Variants in AUTS2 observed in about 807,000 individuals in gnomAD.
AUTS2 encodes activator of transcription and developmental regulator AUTS2.
A neutral mutation model predicts 112.4 loss-of-function variants in AUTS2; 17 were observed. That is an observed-to-expected ratio of 0.15 (90% CI 0.10 to 0.23). AUTS2 has a LOEUF of 0.23. Among genes scored for constraint, AUTS2 ranks in the 10% least tolerant of loss-of-function variants. The pLI is 1.00. For synonymous variants in AUTS2, 751 were observed against 702.7 expected (o/e 1.07, Z -1.09); for missense variants, 1,510 against 1,701.6 (o/e 0.89, Z 1.98).
chr7:70,763,007 G>A lies in AUTS2; in HGVS notation c.880G>A (p.Val294Met). The change falls in exon 7 of 19, where the codon GTG becomes ATG. Residue 294 changes from valine to methionine, a missense_variant. This residue lies in a region of AUTS2 where 535 missense variants were observed against 594.3 expected (regional missense o/e 0.90). Transcript: ENST00000342771. ...CAAAGAGCCAATCTTTGAGCCTGTG[G>A]TGCTTAAAGACCCCTGCCCTCAGGT... Reference protein sequence around the residue: ...CCKEPIFEPVVLKDPCPQVAQ... With the variant: ...CCKEPIFEPVMLKDPCPQVAQ... 1 of 1,614,096 alleles carries A rather than the reference G, an allele frequency of 6.2e-7. No homozygotes were observed. Among genetic ancestry groups the A allele is most frequent in the Non-Finnish European group, 8.5e-7 (1 of 1,180,014 alleles).
intron 2 of AUTS2, among the ~76,000 whole-genome samples, chr7:70,066,736 C>T (rs903801793): frequency 6.6e-6 from 1 of 152,078 alleles, no homozygotes; most frequent in Non-Finnish European, 1.5e-5. Flanking sequence ...GACAGGGTTT[C>T]ACTATGTTGG....
intron 1 of AUTS2, among the ~76,000 whole-genome samples, chr7:69,732,506 A>G (rs1326488046): frequency 6.6e-6 from 1 of 152,078 alleles, no homozygotes; most frequent in Non-Finnish European, 1.5e-5. Flanking sequence ...ATTGTTTCCC[A>G]TGGAATTTCT....
At chr7:69,971,266 C>T (rs1229216421) in intron 2 of AUTS2, among the ~76,000 whole-genome samples, 3 of 152,148 alleles carry the variant, frequency 2.0e-5, no homozygotes. Context: ...AATTCTGCTT[C>T]TGCCATTTAC....
intron 2 of AUTS2, among the ~76,000 whole-genome samples, chr7:70,020,903 T>G (rs1201148776): frequency 2.0e-5 from 3 of 152,158 alleles, no homozygotes; most frequent in Non-Finnish European, 2.9e-5. Context: ...ACTCCTGAGC[T>G]CAAGTGATTC....
At position 70,397,067 on chromosome 7, in the gene AUTS2, ATT is replaced by A. The variant is rs35330696; in HGVS notation, c.661-38673_661-38672del. 4.3e-3 allele frequency among the ~76,000 whole-genome samples: 613 copies of A among 143,586 alleles called. 4 individuals are homozygous for A. The highest frequency in any genetic ancestry group is 8.2e-3 in the Admixed American group (118 of 14,426). The allele number at this position is 143,586 out of a possible 152,430, so 94.2% of individuals were successfully genotyped here. A position where few individuals can be genotyped will look rare whatever the true frequency, so the allele number is the denominator to read the frequency against. On this transcript the variant is annotated intron_variant, in intron 4 of 18. Transcript: ENST00000342771. The stretch of plus-strand genomic sequence containing the variant: ...TTTTCATTTTAGCCATTCTTTTATT[ATT>A]TTTTTTTTTTTGAGATGGAATTTTG...
chr7:69,828,463 G>A (rs940439338), intron 1 of AUTS2, among the ~76,000 whole-genome samples: 7 of 152,152 alleles, frequency 4.6e-5, no homozygotes, highest in Non-Finnish European at 1.0e-4. Context: ...TGATGATATT[G>A]TGGAGCTGTT....
chr7:70,646,049 T>G (rs1806142676), intron 5 of AUTS2, among the ~76,000 whole-genome samples: 1 of 152,160 alleles, frequency 6.6e-6, no homozygotes. Flanking sequence ...AAATGCAGGC[T>G]TTGGTTCTCT....
intron 4 of AUTS2, among the ~76,000 whole-genome samples, chr7:70,324,220 C>G (rs1790383366): frequency 6.6e-6 from 1 of 152,160 alleles, no homozygotes; most frequent in South Asian, 2.1e-4. Context: ...TAAATGGAAT[C>G]AAGTGGTAGA....
At chr7:70,402,320 T>C (rs1164782359) in intron 4 of AUTS2, among the ~76,000 whole-genome samples, 2 of 152,218 alleles carry the variant, frequency 1.3e-5, no homozygotes, top group Admixed American at 1.3e-4. Context: ...GGTTGCCCAC[T>C]CCTGACATTG....
intron 1 of AUTS2, among the ~76,000 whole-genome samples, chr7:69,841,500 G>C (rs28671727): frequency 6.6e-6 from 1 of 152,256 alleles, no homozygotes; most frequent in African/African-American, 2.4e-5. Context: ...CATCAGGTTT[G>C]GGCAGGGACA....
rs180937477 is a variant in AUTS2, at chr7:69,989,524, G to A, written c.522+90026G>A. Among the ~76,000 whole-genome samples the A allele has an allele frequency of 7.4e-3, 957 of 130,164 alleles. 8 individuals carry two copies. Among genetic ancestry groups the A allele is most frequent in the Non-Finnish European group, 9.8e-3 (604 of 61,354 alleles). The allele number at this position is 130,164 out of a possible 152,430, so 85.4% of individuals were successfully genotyped here. A position where few individuals can be genotyped will look rare whatever the true frequency, so the allele number is the denominator to read the frequency against. On this transcript the variant is annotated intron_variant, in intron 2 of 18. Transcript: ENST00000342771. Reference sequence around the variant, plus strand: ...AATAAATATTTGGTGTGTGGGATGAGAGGGAAGGAGAGAGGAGGAATGTTG... The same window carrying A: ...AATAAATATTTGGTGTGTGGGATGAAAGGGAAGGAGAGAGGAGGAATGTTG...
intron 5 of AUTS2, among the ~76,000 whole-genome samples, chr7:70,512,272 T>C (rs979361867): frequency 2.0e-5 from 3 of 152,200 alleles, no homozygotes; most frequent in African/African-American, 4.8e-5. Flanking sequence ...ATAGAGGCCT[T>C]TGCGGGGCTT....
chr7:69,826,131 A>G (rs1317563787), intron 1 of AUTS2, among the ~76,000 whole-genome samples: 1 of 152,196 alleles, frequency 6.6e-6, no homozygotes, highest in East Asian at 1.9e-4. Flanking sequence ...CTATGAACAC[A>G]GGGGAGAATG....
chr7:69,617,867 C>G (rs1022175025), intron 1 of AUTS2, among the ~76,000 whole-genome samples: 8 of 152,114 alleles, frequency 5.3e-5, no homozygotes, highest in African/African-American at 1.9e-4. Context: ...TTCCAGTGCC[C>G]AGTCATCACA....
intron 1 of AUTS2, among the ~76,000 whole-genome samples, chr7:69,815,315 T>C (rs1044663078): frequency 3.3e-5 from 5 of 152,310 alleles, no homozygotes; most frequent in African/African-American, 1.2e-4. Context: ...TAAGGAGATA[T>C]AGATATCTAT....
chr7:70,059,571 A>G (rs1017869899), intron 2 of AUTS2, among the ~76,000 whole-genome samples: 2 of 152,168 alleles, frequency 1.3e-5, no homozygotes, highest in Admixed American at 1.3e-4. Context: ...AGAATCGAGG[A>G]TCTGGAAATT....
At chr7:70,452,723 TAGAA>T (rs934288816) in intron 5 of AUTS2, among the ~76,000 whole-genome samples, 5 of 152,138 alleles carry the variant, frequency 3.3e-5, no homozygotes, top group African/African-American at 1.2e-4. Flanking sequence ...GTCTGAAATT[TAGAA>T]AGAAGTTCCC....
chr7:70,102,001 A>G (rs1407301030), intron 2 of AUTS2, among the ~76,000 whole-genome samples: 1 of 152,196 alleles, frequency 6.6e-6, no homozygotes, highest in Admixed American at 6.5e-5. Flanking sequence ...TATATTTTGT[A>G]ATAGCTTTAC....
intron 2 of AUTS2, among the ~76,000 whole-genome samples, chr7:69,910,923 G>T (rs1795328479): frequency 6.6e-6 from 1 of 152,230 alleles, no homozygotes; most frequent in South Asian, 2.1e-4. Flanking sequence ...ACTGCACCTG[G>T]CCTGAAACTC....
Sources: gnomAD v4.1 joint callset for allele counts (sites outside exome capture counted in the v4.1 genomes callset) on GRCh38, gnomAD v4.1.1 for gene constraint, gnomAD v4.1.1 regional missense constraint, MANE v1.5 for transcripts, NCBI Gene and HGNC (gene_info 2026-07-23, HGNC 2026-07-21) for gene names.